Variants in PMS1 observed in about 807,000 individuals in gnomAD.
PMS1 encodes PMS1 protein homolog 1.
PMS1 carries 79 observed loss-of-function variants against 93.1 expected under a neutral mutation model. The observed-to-expected ratio is 0.85, with a 90% CI of 0.71 to 1.02. The LOEUF (loss-of-function observed/expected upper bound fraction) is 1.02, where lower values mean the gene tolerates loss of function less well. PMS1 is among the 50% of genes least tolerant of loss of function. PMS1 has a pLI of 0.00. For missense variants in PMS1, 1,064 were observed against 1,085.3 expected, an observed-to-expected ratio of 0.98 and a Z score of 0.28; for synonymous variants, 335 against 363.4, an observed-to-expected ratio of 0.92 and a Z score of 0.89.
In PMS1 at chr2:189,877,424, A is replaced by G; in HGVS notation, c.2787A>G (p.Pro929=). The G allele has an allele frequency of 6.2e-7, 1 of 1,609,302 alleles. No individual in the cohort carries two copies. The highest frequency in any genetic ancestry group is 8.5e-7 in the Non-Finnish European group (1 of 1,175,684). ...RPFFHHLTYL[P]ETT ...TTTTTCATCATTTAACCTATCTTCCAGAAACTACATGATTAAATATGTTTA... is the reference window on the plus strand; with the variant it reads ...TTTTTCATCATTTAACCTATCTTCCGGAAACTACATGATTAAATATGTTTA... Residue 929 remains proline, a synonymous_variant, in exon 13 of 13, where the codon CCA becomes CCG. Transcript: ENST00000441310.
At chr2:189,842,213 A>G (rs929482033) in intron 5 of PMS1, among the ~76,000 whole-genome samples, 3 of 152,018 alleles carry the variant, frequency 2.0e-5, no homozygotes, top group Non-Finnish European at 2.9e-5. Context: ...CATTGGAAAC[A>G]TATGATGACT....
intron 5 of PMS1, among the ~76,000 whole-genome samples, chr2:189,840,518 C>A (rs1264265597): frequency 6.6e-6 from 1 of 152,098 alleles, no homozygotes; most frequent in Non-Finnish European, 1.5e-5. Context: ...ATTTAACATA[C>A]TTTATGTCTT....
chr2:189,875,944 A>AGACTCTG (rs2057523198), intron 12 of PMS1, among the ~76,000 whole-genome samples: 1 of 125,994 alleles, frequency 7.9e-6, no homozygotes, highest in African/African-American at 3.6e-5. Context: ...CGATAGAGCT[A>AGACTCTG]GACTCTGTCT....
Position 189,791,902 on chromosome 2 carries a change from C to T in PMS1, c.93C>T (p.Asn31=), listed in dbSNP as rs1282042919. The T allele has an allele frequency of 5.0e-6, 8 of 1,613,918 alleles. No individual in the cohort carries two copies. The African/African-American group carries it at 9.3e-5, about 19-fold the overall frequency. The part of the protein sequence containing the change: ...VVSVVKELIE[N]SLDAGATSVD... ...GTGTTGTAAAAGAGCTTATTGAAAACTCCTTGGATGCTGGTGCCACAAGCG... is the reference window on the plus strand; with the variant it reads ...GTGTTGTAAAAGAGCTTATTGAAAATTCCTTGGATGCTGGTGCCACAAGCG... Residue 31 remains asparagine (N), a synonymous_variant, in exon 2 of 13, where the codon AAC becomes AAT. Transcript: ENST00000441310.
At chr2:189,868,167 TA>T (rs2056825188) in intron 11 of PMS1, among the ~76,000 whole-genome samples, 1 of 152,260 alleles carries the variant, frequency 6.6e-6, no homozygotes, top group South Asian at 2.1e-4. Flanking sequence ...CAAATAGTTT[TA>T]TTGTAATTTT....
At chr2:189,833,312 G>A (rs560547073) in intron 5 of PMS1, among the ~76,000 whole-genome samples, 5 of 152,234 alleles carry the variant, frequency 3.3e-5, no homozygotes, top group South Asian at 2.1e-4. Context: ...ATTTATGGCC[G>A]GGTGCAGTGG....
At chr2:189,792,129 A>G (rs937190963) in intron 2 of PMS1, among the ~76,000 whole-genome samples, 188 bp downstream of exon 2, 1 of 152,256 alleles carries the variant, frequency 6.6e-6, no homozygotes, top group African/African-American at 2.4e-5. Flanking sequence ...TTATAGTAAC[A>G]CTAAAGGAAA....
chr2:189,839,885 T>C (rs2053681695), intron 5 of PMS1, among the ~76,000 whole-genome samples: 1 of 152,124 alleles, frequency 6.6e-6, no homozygotes, highest in Non-Finnish European at 1.5e-5. Context: ...TTAACCAAAA[T>C]ATGTTATAGT....
intron 5 of PMS1, among the ~76,000 whole-genome samples, chr2:189,823,346 A>G (rs1420019250): frequency 6.6e-6 from 1 of 152,090 alleles, no homozygotes; most frequent in Non-Finnish European, 1.5e-5. Flanking sequence ...ATATGTATAC[A>G]TGTGCCATGT....
intron 1 of PMS1, among the ~76,000 whole-genome samples, chr2:189,788,767 TTGAG>T (rs2048592708): frequency 1.3e-5 from 2 of 152,334 alleles, no homozygotes; most frequent in African/African-American, 4.8e-5. Context: ...GAGTTGGAAA[TTGAG>T]TGTGTATTAG....
At chr2:189,810,466 C>G (rs2050740818) in intron 4 of PMS1, among the ~76,000 whole-genome samples, 2 of 152,126 alleles carry the variant, frequency 1.3e-5, no homozygotes, top group African/African-American at 4.8e-5. Flanking sequence ...AACAAGTCTT[C>G]TACAAATAAG....
At chr2:189,808,194 T>C (rs1390035344) in intron 4 of PMS1, among the ~76,000 whole-genome samples, 1 of 152,164 alleles carries the variant, frequency 6.6e-6, no homozygotes, top group Non-Finnish European at 1.5e-5. Flanking sequence ...ACATCCCTGC[T>C]TAGCATTTAC....
intron 3 of PMS1, among the ~76,000 whole-genome samples, chr2:189,800,774 CTA>C (rs2106255610): frequency 6.6e-6 from 1 of 152,226 alleles, no homozygotes; most frequent in Admixed American, 6.5e-5. Context: ...ATTGGGCACA[CTA>C]TTAAACAGCC....
chr2:189,816,590 T>A (rs1575122276), intron 4 of PMS1, among the ~76,000 whole-genome samples: 1 of 152,216 alleles, frequency 6.6e-6, no homozygotes, highest in African/African-American at 2.4e-5. Context: ...AAAAATTTTC[T>A]TCTAGTATTT....
At chr2:189,788,255 G>A (rs920790908) in intron 1 of PMS1, among the ~76,000 whole-genome samples, 1 of 152,176 alleles carries the variant, frequency 6.6e-6, no homozygotes, top group African/African-American at 2.4e-5. Context: ...GGCCTAATGT[G>A]TGAGCCCCTT....
chr2:189,813,805 G>A (rs2051044667), intron 4 of PMS1, among the ~76,000 whole-genome samples: 1 of 152,160 alleles, frequency 6.6e-6, no homozygotes, highest in Admixed American at 6.5e-5. Context: ...GTGTTACACG[G>A]GACTGTTGTT....
chr2:189,834,314 AAGAAATGAGATG>A (rs1281803356), intron 5 of PMS1, among the ~76,000 whole-genome samples: 2 of 152,216 alleles, frequency 1.3e-5, no homozygotes, highest in African/African-American at 4.8e-5. Flanking sequence ...AAGCTTGTCT[AAGAAATGAGATG>A]AGGCTACGAA....
chr2:189,798,885 C>T (rs1218573879), intron 3 of PMS1, among the ~76,000 whole-genome samples: 1 of 151,280 alleles, frequency 6.6e-6, no homozygotes, highest in Non-Finnish European at 1.5e-5. Flanking sequence ...TGTAACCCTT[C>T]AGAGCTGAAA....
At chr2:189,859,770 G>A (rs1166044547) in intron 9 of PMS1, among the ~76,000 whole-genome samples, 1 of 151,632 alleles carries the variant, frequency 6.6e-6, no homozygotes, top group African/African-American at 2.4e-5. Flanking sequence ...AGATGGTTTG[G>A]GTGTGTTTAA....
Sources: gnomAD v4.1 joint callset for allele counts (sites outside exome capture counted in the v4.1 genomes callset) on GRCh38, gnomAD v4.1.1 for gene constraint, MANE v1.5 for transcripts, NCBI Gene and HGNC (gene_info 2026-07-23, HGNC 2026-07-21) for gene names.